KCNG3: variants seen among roughly 807,000 people sequenced by gnomAD.
The protein encoded by KCNG3 is potassium voltage-gated channel modifier subfamily G member 3, also known as voltage-gated potassium channel regulatory subunit KCNG3.
A neutral mutation model predicts 29.0 loss-of-function variants in KCNG3; 15 were observed. The observed-to-expected ratio is 0.52, with a 90% CI of 0.35 to 0.80. The LOEUF (loss-of-function observed/expected upper bound fraction) is 0.80. Ranked by LOEUF, KCNG3 falls within the 30% of genes least tolerant of loss-of-function variation. The probability of loss-of-function intolerance (pLI) is 0.01; values close to 1 mark genes in which losing one functional copy is unlikely to be tolerated. For synonymous variants in KCNG3, 322 were observed against 248.9 expected, an observed-to-expected ratio of 1.29 and a Z score of -2.76; for missense variants, 512 against 605.7, an observed-to-expected ratio of 0.85 and a Z score of 1.62.
At chr2:42,491,308 C>A (rs1172708867) in intron 1 of KCNG3, among the ~76,000 whole-genome samples, 1 of 152,100 alleles carries the variant, frequency 6.6e-6, no homozygotes, top group Non-Finnish European at 1.5e-5. Flanking sequence ...CCCTCCCTCC[C>A]CCTAAGATTA....
At chr2:42,434,954 T>C in the KCNG3 span, among the ~76,000 whole-genome samples, 1 of 151,880 alleles carries the variant, frequency 6.6e-6, no homozygotes, top group Non-Finnish European at 1.5e-5. Context: ...GATGCAAAAA[T>C]TAACTAAAAA....
chr2:42,431,991 A>G, the KCNG3 span, among the ~76,000 whole-genome samples: 4 of 151,500 alleles, frequency 2.6e-5, no homozygotes, highest in African/African-American at 7.3e-5. Context: ...GTGAGCCAAG[A>G]TAATGCCACT....
At chr2:42,483,119 T>C (rs1025723206) in intron 1 of KCNG3, among the ~76,000 whole-genome samples, 38 of 152,176 alleles carry the variant, frequency 2.5e-4, no homozygotes, top group African/African-American at 8.2e-4. Flanking sequence ...AGACCCTGTC[T>C]CAAAAAAATA....
the KCNG3 span, among the ~76,000 whole-genome samples, chr2:42,435,320 T>A: frequency 2.0e-5 from 3 of 151,926 alleles, no homozygotes; most frequent in Non-Finnish European, 4.4e-5. Flanking sequence ...AAAAATAAAA[T>A]AAAATTCTTA....
At chr2:42,487,871 T>C (rs955384949) in intron 1 of KCNG3, among the ~76,000 whole-genome samples, 1 of 152,210 alleles carries the variant, frequency 6.6e-6, no homozygotes, top group Admixed American at 6.5e-5. Flanking sequence ...ATAGTGACTA[T>C]GGGCCATCTC....
chr2:42,427,724 A>G, the KCNG3 span, among the ~76,000 whole-genome samples: 1 of 152,268 alleles, frequency 6.6e-6, no homozygotes, highest in African/African-American at 2.4e-5. Flanking sequence ...TAAATAATTT[A>G]AATAGAATAT....
the KCNG3 span, among the ~76,000 whole-genome samples, chr2:42,411,419 A>G: frequency 2.0e-5 from 3 of 152,088 alleles, no homozygotes; most frequent in Admixed American, 1.3e-4. Flanking sequence ...AAGTTTTTCC[A>G]TTTGTTCAGG....
At chr2:42,471,802 C>A (rs1349054250) in intron 1 of KCNG3, among the ~76,000 whole-genome samples, 2 of 149,858 alleles carry the variant, frequency 1.3e-5, no homozygotes, top group African/African-American at 4.9e-5. Flanking sequence ...GAGAACTGCT[C>A]TAGCCCAGGA....
the KCNG3 span, among the ~76,000 whole-genome samples, chr2:42,426,348 C>T: frequency 6.6e-6 from 1 of 152,104 alleles, no homozygotes; most frequent in Non-Finnish European, 1.5e-5. Flanking sequence ...AAACGCCTAC[C>T]AAACAACATA....
chr2:42,398,224 A>T, the KCNG3 span, among the ~76,000 whole-genome samples: 1 of 141,370 alleles, frequency 7.1e-6, no homozygotes, highest in South Asian at 2.2e-4. Flanking sequence ...CTCTGTCTCA[A>T]AAATAAATAA....
the KCNG3 span, among the ~76,000 whole-genome samples, chr2:42,405,153 T>C: frequency 1.3e-5 from 2 of 152,242 alleles, no homozygotes; most frequent in Non-Finnish European, 2.9e-5. Flanking sequence ...GAGATGGAAA[T>C]AACTATCCAG....
intron 1 of KCNG3, among the ~76,000 whole-genome samples, chr2:42,466,845 C>G (rs933978271): frequency 6.6e-6 from 1 of 151,262 alleles, no homozygotes; most frequent in Non-Finnish European, 1.5e-5. Context: ...CTCTGCCACC[C>G]GGGTTCAAGC....
At chr2:42,472,441 C>T (rs1673312345) in intron 1 of KCNG3, among the ~76,000 whole-genome samples, 1 of 151,726 alleles carries the variant, frequency 6.6e-6, no homozygotes, top group African/African-American at 2.4e-5. Flanking sequence ...AGGAGAGTGC[C>T]ACTTTCTGTG....
Position 42,474,446 on chromosome 2 carries a change from T to C in KCNG3, c.665+18391A>G, listed in dbSNP as rs1673373152. Among the ~76,000 whole-genome samples the C allele has an allele frequency of 2.0e-5, 3 of 152,130 alleles. No homozygotes were observed. In the South Asian group the frequency reaches 6.2e-4, roughly 32 times the overall value. ...GGGAGGCTGAGGCACGAGAATCGCT[T>C]GAACCCAGGAGGCGCAGGTTGCAGT... On this transcript the variant is annotated intron_variant, in intron 1 of 1. Transcript: ENST00000306078.
rs918993601 is a variant in KCNG3, at chr2:42,479,038, A to G, written c.665+13799T>C. 3.3e-5 allele frequency among the ~76,000 whole-genome samples: 5 copies of G among 151,704 alleles called. No individual in the cohort carries two copies. In the East Asian group the frequency reaches 5.8e-4, roughly 18 times the overall value. On this transcript the variant is annotated intron_variant, in intron 1 of 1. Coordinates refer to ENST00000306078, the MANE Select transcript of KCNG3 (RefSeq NM_133329.6). ...CAAATTCGAAATCCAAAATACTCCA[A>G]TGAGCATTTCCTTTGAGCATCATGT... is the stretch of plus-strand genomic sequence containing the variant.
intron 1 of KCNG3, among the ~76,000 whole-genome samples, chr2:42,456,769 C>A (rs1672885627): frequency 6.6e-6 from 1 of 152,100 alleles, no homozygotes; most frequent in African/African-American, 2.4e-5. Context: ...TTTAAATGTA[C>A]AAAGCATTTC....
At chr2:42,416,242 C>A in the KCNG3 span, among the ~76,000 whole-genome samples, 21 of 152,202 alleles carry the variant, frequency 1.4e-4, no homozygotes, top group Admixed American at 1.3e-3. Flanking sequence ...TACAAAGCTA[C>A]AGATAGGAGA....
chr2:42,454,393 T>C (rs1672830675), intron 1 of KCNG3, among the ~76,000 whole-genome samples: 1 of 152,148 alleles, frequency 6.6e-6, no homozygotes, highest in Non-Finnish European at 1.5e-5. Context: ...ATAAAGAATC[T>C]ATTTGGAATT....
the KCNG3 span, chr2:42,415,485 G>A: frequency 6.6e-6 from 1 of 152,132 alleles, no homozygotes; most frequent in African/African-American, 2.4e-5. Flanking sequence ...CAACATACCA[G>A]ATAAGGGCAT....
Sources: gnomAD v4.1 joint callset for allele counts (sites outside exome capture counted in the v4.1 genomes callset) on GRCh38, gnomAD v4.1.1 for gene constraint, MANE v1.5 for transcripts, NCBI Gene and HGNC (gene_info 2026-07-23, HGNC 2026-07-21) for gene names.